Variants in CRTC1 observed in about 807,000 individuals in gnomAD.
The protein encoded by CRTC1 is CREB-regulated transcription coactivator 1.
CRTC1 carries 18 observed loss-of-function variants against 66.1 expected under a neutral mutation model. The ratio of observed to expected loss-of-function variants is 0.27; its 90% CI spans 0.19 to 0.40. The LOEUF is 0.40. Among genes scored for constraint, CRTC1 ranks in the 10% least tolerant of loss-of-function variants. The probability of loss-of-function intolerance (pLI) is 1.00; values close to 1 mark genes in which losing one functional copy is unlikely to be tolerated. For missense variants in CRTC1, 669 were observed against 887.9 expected, an observed-to-expected ratio of 0.75 and a Z score of 3.13; for synonymous variants, 416 against 398.8, an observed-to-expected ratio of 1.04 and a Z score of -0.51.
chr19:18,757,054 C>T (rs951638815), intron 6 of CRTC1, among the ~76,000 whole-genome samples: 13 of 152,348 alleles, frequency 8.5e-5, no homozygotes, highest in African/African-American at 3.1e-4. Context: ...GGCATTGCCC[C>T]CTCACGGTGT....
chr19:18,755,455 G>A (rs931178651), intron 6 of CRTC1, among the ~76,000 whole-genome samples: 27 of 148,148 alleles, frequency 1.8e-4, no homozygotes, highest in African/African-American at 6.2e-4. Context: ...TTTGAGGCAG[G>A]ATCTTGCTCT....
intron 1 of CRTC1, among the ~76,000 whole-genome samples, chr19:18,714,384 T>C (rs1319046089): frequency 6.6e-6 from 1 of 152,100 alleles, no homozygotes; most frequent in African/African-American, 2.4e-5. Context: ...CTTGGCTCAC[T>C]GCAACCTCCG....
intron 1 of CRTC1, among the ~76,000 whole-genome samples, chr19:18,722,007 C>G (rs574914052): frequency 1.4e-4 from 21 of 152,302 alleles, no homozygotes; most frequent in Admixed American, 6.5e-4. Flanking sequence ...ATGGGAGTAC[C>G]TAGGTCACCG....
intron 1 of CRTC1, among the ~76,000 whole-genome samples, chr19:18,721,353 C>T (rs976976059): frequency 2.0e-5 from 3 of 152,010 alleles, no homozygotes; most frequent in African/African-American, 7.2e-5. Context: ...GCCACCATGC[C>T]CGGCTAATTT....
At chr19:18,747,030 A>G in intron 3 of CRTC1, 23 bp from the exon 4 acceptor site, 1 of 1,609,576 alleles carries the variant, frequency 6.2e-7, no homozygotes, top group Non-Finnish European at 8.5e-7. Flanking sequence ...AGCCAGTGGC[A>G]CTGCCCCCTT....
In CRTC1 at chr19:18,777,198, C is replaced by G. The variant is rs751756096; in HGVS notation, c.1721C>G (p.Ser574Cys). ...TVTGESPPSLSKELTSSLAGV... is the reference protein window; with the variant it reads ...TVTGESPPSLCKELTSSLAGV... ...ACAGGAGAGTCCCCCCCCAGCCTCT[C>G]TAAAGAACTGACCAGCTCTCTGGCC... The change falls in exon 14 of 14, where the codon TCT (serine) becomes TGT (cysteine). Residue 574 changes from serine (S) to cysteine (C), a missense_variant. Coordinates refer to ENST00000321949, the MANE Select transcript of CRTC1 (RefSeq NM_015321.3). The surrounding 1 kb of genome is among the most constrained non-coding windows in gnomAD (Gnocchi z 5.5). 1 of 1,557,078 alleles carries G rather than the reference C, an allele frequency of 6.4e-7. No homozygotes were observed. Among genetic ancestry groups the G allele is most frequent in the Non-Finnish European group, 8.7e-7 (1 of 1,147,420 alleles).
chr19:18,702,800 C>T (rs1022869044), intron 1 of CRTC1, among the ~76,000 whole-genome samples: 19 of 152,130 alleles, frequency 1.2e-4, no homozygotes, highest in African/African-American at 4.6e-4. Flanking sequence ...CCCCAAAGTG[C>T]TGGGATTACA....
chr19:18,713,546 T>TGCACTCTTAGGCGTCCTCCTCGTGCCCC (rs2053438073), intron 1 of CRTC1, among the ~76,000 whole-genome samples: 1 of 150,084 alleles, frequency 6.7e-6, no homozygotes, highest in Non-Finnish European at 1.5e-5. Context: ...GCTGAGGCCC[T>TGCACTCTTAGGCGTCCTCCTCGTGCCCC]GCACCCTTAG....
chr19:18,744,342 G>A (rs2054182014), intron 2 of CRTC1, among the ~76,000 whole-genome samples: 1 of 152,182 alleles, frequency 6.6e-6, no homozygotes, highest in Admixed American at 6.5e-5. Flanking sequence ...CGGGAAGTGC[G>A]TATGGTCGCG....
At chr19:18,745,514 C>G (rs1386999006) in intron 2 of CRTC1, among the ~76,000 whole-genome samples, 1 of 152,202 alleles carries the variant, frequency 6.6e-6, no homozygotes. Context: ...GGCTACATCC[C>G]TGGCACCCGG....
chr19:18,721,224 C>T (rs1215691170), intron 1 of CRTC1, among the ~76,000 whole-genome samples: 3 of 146,096 alleles, frequency 2.1e-5, no homozygotes, highest in African/African-American at 5.1e-5. Context: ...GACGGAGTCT[C>T]GCTCTGTCGT....
In CRTC1 at chr19:18,777,636, G is replaced by T; in HGVS notation, c.*254G>T. 1 of 501,708 alleles carries T rather than the reference G, an allele frequency of 2.0e-6. No individual in the cohort carries two copies. Among genetic ancestry groups the T allele is most frequent in the Non-Finnish European group, 3.5e-6 (1 of 283,422 alleles). 31.1% of individuals were successfully genotyped at this position (501,708 alleles called of 1,614,324 possible). A position where few individuals can be genotyped will look rare whatever the true frequency, so the allele number is the denominator to read the frequency against. On this transcript the variant is annotated 3_prime_UTR_variant, in exon 14 of 14. Coordinates refer to ENST00000321949, the MANE Select transcript of CRTC1 (RefSeq NM_015321.3). This position sits in a 1 kb window ranked among gnomAD's most constrained non-coding sequence, Gnocchi z 5.5. ...CGGAGGCCGTGAGCCTCCCGCCCCT[G>T]CAGACCCTCCCTGCACTGGCTCCCT... is the stretch of plus-strand genomic sequence containing the variant.
At chr19:18,774,788 C>A in intron 11 of CRTC1, 112 bp from the exon 12 acceptor site, 1 of 951,538 alleles carries the variant, frequency 1.1e-6, no homozygotes, top group African/African-American at 1.6e-5. Flanking sequence ...CATCAGCCTC[C>A]TGCCGTCTGG....
chr19:18,739,309 G>A (rs1600894808), intron 1 of CRTC1, among the ~76,000 whole-genome samples: 1 of 152,230 alleles, frequency 6.6e-6, no homozygotes, highest in Admixed American at 6.5e-5. Flanking sequence ...TCCCTCCAGA[G>A]CTAGCCGCTG....
Position 18,777,893 on chromosome 19 carries a change from A to G in CRTC1, c.*511A>G, listed in dbSNP as rs1234231025. ...TAGAGAGTGAGCCCCACGCCGCCCC[A>G]GGGAGGAGGCGCCAGAGCGCGGGGC... On this transcript the variant is annotated 3_prime_UTR_variant, in exon 14 of 14. Transcript: ENST00000321949. The surrounding 1 kb of genome is among the most constrained non-coding windows in gnomAD (Gnocchi z 5.5). 2 of 262,650 alleles carry G rather than the reference A, an allele frequency of 7.6e-6. No homozygotes were observed. The highest frequency in any genetic ancestry group is 2.2e-5 in the African/African-American group (1 of 45,452). The allele number at this position is 262,650 out of a possible 1,614,324, so 16.3% of individuals were successfully genotyped here. A position where few individuals can be genotyped will look rare whatever the true frequency, so the allele number is the denominator to read the frequency against.
intron 9 of CRTC1, among the ~76,000 whole-genome samples, chr19:18,765,869 G>A (rs1239148434): frequency 6.6e-6 from 1 of 152,002 alleles, no homozygotes; most frequent in Non-Finnish European, 1.5e-5. Context: ...GCTAAGATGA[G>A]AGGATCACTT....
chr19:18,762,356 G>T (rs188781933), intron 8 of CRTC1, among the ~76,000 whole-genome samples: 5 of 152,000 alleles, frequency 3.3e-5, no homozygotes. Flanking sequence ...TGAACCTGCC[G>T]CCCAAGCAGC....
At chr19:18,735,856 C>T (rs547522375) in intron 1 of CRTC1, among the ~76,000 whole-genome samples, 1 of 152,324 alleles carries the variant, frequency 6.6e-6, no homozygotes, top group South Asian at 2.1e-4. Flanking sequence ...AGATCTAATG[C>T]TTGCTGCCCG....
At chr19:18,756,958 A>T (rs763932430) in intron 6 of CRTC1, among the ~76,000 whole-genome samples, 9 of 152,218 alleles carry the variant, frequency 5.9e-5, no homozygotes, top group Non-Finnish European at 1.0e-4. Context: ...GGCCAAGCAG[A>T]AACCCATTCA....
Sources: gnomAD v4.1 joint callset for allele counts (sites outside exome capture counted in the v4.1 genomes callset) on GRCh38, gnomAD v4.1.1 for gene constraint, Gnocchi (gnomAD v3.1) non-coding constraint, MANE v1.5 for transcripts, NCBI Gene and HGNC (gene_info 2026-07-23, HGNC 2026-07-21) for gene names.